ACOXL: variants seen among roughly 807,000 people sequenced by gnomAD.
ACOXL encodes the protein acyl-CoA oxidase like, also known as acyl-coenzyme A oxidase-like protein.
ACOXL carries 70 observed loss-of-function variants against 71.9 expected under a neutral mutation model. That is an observed-to-expected ratio of 0.97 (90% CI 0.80 to 1.19). The LOEUF (loss-of-function observed/expected upper bound fraction) is 1.19. ACOXL is among the 50% of genes most tolerant of loss of function. The probability of loss-of-function intolerance (pLI) is 0.00; values close to 1 mark genes in which losing one functional copy is unlikely to be tolerated. For missense variants in ACOXL, 703 were observed against 736.3 expected, an observed-to-expected ratio of 0.95 and a Z score of 0.52; for synonymous variants, 253 against 281.6, an observed-to-expected ratio of 0.90 and a Z score of 1.02.
intron 10 of ACOXL, among the ~76,000 whole-genome samples, chr2:110,875,032 A>G (rs187390298): frequency 6.6e-6 from 1 of 152,234 alleles, no homozygotes; most frequent in East Asian, 1.9e-4. Context: ...TCTAAACCCA[A>G]GCACTGACAC....
intron 14 of ACOXL, among the ~76,000 whole-genome samples, chr2:111,016,983 G>A (rs1485232867): frequency 6.6e-6 from 1 of 152,232 alleles, no homozygotes; most frequent in African/African-American, 2.4e-5. Context: ...CTCAGTTTCA[G>A]AAACAGGCAA....
At chr2:110,908,167 C>A (rs563052918) in intron 10 of ACOXL, among the ~76,000 whole-genome samples, 3 of 152,218 alleles carry the variant, frequency 2.0e-5, no homozygotes, top group Non-Finnish European at 4.4e-5. Context: ...TGGGGACAAT[C>A]CCACACCACT....
intron 12 of ACOXL, among the ~76,000 whole-genome samples, chr2:110,967,314 G>C (rs1009334579): frequency 1.3e-5 from 2 of 152,154 alleles, no homozygotes; most frequent in African/African-American, 2.4e-5. Context: ...GTGAATTTGA[G>C]GCCAGATCAA....
chr2:110,960,955 A>G (rs1179807247), intron 12 of ACOXL, among the ~76,000 whole-genome samples: 1 of 152,184 alleles, frequency 6.6e-6, no homozygotes, highest in Non-Finnish European at 1.5e-5. Context: ...GGATGCTGGG[A>G]CTTTCTAAGC....
chr2:110,886,721 A>C (rs1443244836), intron 10 of ACOXL: 4 of 1,547,818 alleles, frequency 2.6e-6, no homozygotes, highest in Non-Finnish European at 3.5e-6. Context: ...CTTTGACTGG[A>C]GTTAGCCTTG....
At chr2:110,940,737 T>C (rs1203353381) in intron 12 of ACOXL, among the ~76,000 whole-genome samples, 1 of 152,210 alleles carries the variant, frequency 6.6e-6, no homozygotes, top group Non-Finnish European at 1.5e-5. Context: ...TTTAATAACA[T>C]TATCACTCTG....
At chr2:110,815,009 G>A (rs1272535476) in intron 9 of ACOXL, among the ~76,000 whole-genome samples, 1 of 152,108 alleles carries the variant, frequency 6.6e-6, no homozygotes, top group Non-Finnish European at 1.5e-5. Flanking sequence ...CCCGAGACTG[G>A]GTAATTTGTA....
intron 11 of ACOXL, among the ~76,000 whole-genome samples, chr2:110,928,442 T>C (rs2060359196): frequency 6.6e-6 from 1 of 152,188 alleles, no homozygotes; most frequent in Non-Finnish European, 1.5e-5. Context: ...CACCAAGTCT[T>C]CTCTTTGTTA....
chr2:111,106,018 G>C (rs777102972), intron 17 of ACOXL, among the ~76,000 whole-genome samples: 2 of 152,090 alleles, frequency 1.3e-5, no homozygotes, highest in African/African-American at 2.4e-5. Context: ...TGTTTGGGGT[G>C]GGCTCAGCTT....
chr2:111,010,401 TG>T (rs958816618), intron 14 of ACOXL, among the ~76,000 whole-genome samples: 1 of 152,032 alleles, frequency 6.6e-6, no homozygotes, highest in Non-Finnish European at 1.5e-5. Context: ...AGAAATCATT[TG>T]AACTAAAACA....
chr2:110,867,898 G>A (rs184031761), intron 10 of ACOXL, among the ~76,000 whole-genome samples: 42 of 152,082 alleles, frequency 2.8e-4, no homozygotes, highest in Admixed American at 7.9e-4. Flanking sequence ...GAGTAGCTGG[G>A]ATTACAGGTG....
intron 11 of ACOXL, among the ~76,000 whole-genome samples, chr2:110,921,530 A>C (rs1356206730): frequency 6.6e-6 from 1 of 151,512 alleles, no homozygotes; most frequent in Non-Finnish European, 1.5e-5. Flanking sequence ...AGTAGCTGGG[A>C]CTACAGGTGC....
rs546081438 is a variant in ACOXL at position 111,041,165 on chromosome 2, C to T, written c.1370-8053C>T. On this transcript the variant is annotated intron_variant, in intron 15 of 17. Transcript: ENST00000439055. ...TCCAACTCAGCTTGGACGTGTGGCG[C>T]ATGCATGACCTGGGGCCACACATGC... Among the ~76,000 whole-genome samples the T allele has an allele frequency of 1.6e-4, 25 of 152,212 alleles. No homozygotes were observed. The South Asian group carries it at 5.2e-3, about 32-fold the overall frequency.
At chr2:110,915,316 A>C (rs1393693439) in intron 11 of ACOXL, among the ~76,000 whole-genome samples, 2 of 132,382 alleles carry the variant, frequency 1.5e-5, no homozygotes, top group African/African-American at 6.1e-5. Context: ...CATTCTTTGA[A>C]ATTTTTTGTT....
intron 16 of ACOXL, 101 bp downstream of exon 16, chr2:111,049,389 C>A: frequency 1.1e-6 from 1 of 919,612 alleles, no homozygotes; most frequent in Non-Finnish European, 1.7e-6. Context: ...TTTATCATGT[C>A]TGAATCGTGT....
chr2:110,914,400 T>A (rs1231998942), intron 11 of ACOXL, among the ~76,000 whole-genome samples: 1 of 152,238 alleles, frequency 6.6e-6, no homozygotes, highest in Non-Finnish European at 1.5e-5. Context: ...ATCTAAGTAA[T>A]GTTTTATAAT....
intron 10 of ACOXL, among the ~76,000 whole-genome samples, chr2:110,855,835 G>A (rs551536770): frequency 1.3e-5 from 2 of 152,320 alleles, no homozygotes; most frequent in South Asian, 4.1e-4. Context: ...TGGACCCAAA[G>A]AGTGAGCAGT....
intron 12 of ACOXL, among the ~76,000 whole-genome samples, chr2:110,948,003 C>T (rs2061171837): frequency 6.6e-6 from 1 of 152,266 alleles, no homozygotes; most frequent in Non-Finnish European, 1.5e-5. Flanking sequence ...GTCTCCACAG[C>T]AGGACTTTGT....
At chr2:111,066,852 T>G (rs2067097129) in intron 16 of ACOXL, among the ~76,000 whole-genome samples, 1 of 152,160 alleles carries the variant, frequency 6.6e-6, no homozygotes, top group South Asian at 2.1e-4. Context: ...TCATACATTT[T>G]ACGCATGATA....
Sources: gnomAD v4.1 joint callset for allele counts (sites outside exome capture counted in the v4.1 genomes callset) on GRCh38, gnomAD v4.1.1 for gene constraint, MANE v1.5 for transcripts, NCBI Gene and HGNC (gene_info 2026-07-23, HGNC 2026-07-21) for gene names.